GRID2: variants seen among roughly 807,000 people sequenced by gnomAD.
GRID2 encodes glutamate ionotropic receptor delta type subunit 2.
A neutral mutation model predicts 114.8 loss-of-function variants in GRID2; 33 were observed. The ratio of observed to expected loss-of-function variants is 0.29; its 90% CI spans 0.22 to 0.38. The LOEUF is 0.38. Ranked by LOEUF, GRID2 falls within the 10% of genes least tolerant of loss-of-function variation. GRID2 has a pLI of 1.00. For missense variants in GRID2, 1,184 were observed against 1,257.7 expected (o/e 0.94, Z 0.89); for synonymous variants, 505 against 449.9 (o/e 1.12, Z -1.55).
In GRID2 at chr4:92,457,242, A is replaced by G. The variant is rs183454751; in HGVS notation, c.89-132889A>G. On this transcript the variant is annotated intron_variant, in intron 1 of 15. Transcript: ENST00000282020. ...TAAACTCTGTGCCTTTTCCTTACCC[A>G]TATGAAAAATCACTGTCTTCTCATC... 6.6e-5 allele frequency among the ~76,000 whole-genome samples: 10 copies of G among 152,218 alleles called. No homozygotes were observed. The East Asian group carries it at 1.9e-3, about 30-fold the overall frequency.
chr4:93,672,467 A>T (rs758826985), intron 14 of GRID2, among the ~76,000 whole-genome samples: 1 of 152,260 alleles, frequency 6.6e-6, no homozygotes, highest in African/African-American at 2.4e-5. Context: ...AATGTATTTT[A>T]CTTTAAAATT....
intron 2 of GRID2, among the ~76,000 whole-genome samples, chr4:92,794,081 T>A (rs1353831465): frequency 1.3e-5 from 2 of 151,828 alleles, no homozygotes; most frequent in Non-Finnish European, 2.9e-5. Flanking sequence ...AAAAGTAACA[T>A]AAGAGACAAC....
intron 1 of GRID2, among the ~76,000 whole-genome samples, chr4:92,305,828 C>T (rs1326473187): frequency 1.3e-5 from 2 of 152,188 alleles, no homozygotes; most frequent in African/African-American, 4.8e-5. Context: ...GTTAATGCGA[C>T]GATTTCTTTT....
chr4:93,211,816 T>C (rs114593934), intron 5 of GRID2, among the ~76,000 whole-genome samples: 187 of 152,300 alleles, frequency 1.2e-3, no homozygotes, highest in African/African-American at 4.4e-3. Context: ...AATGAGCAAA[T>C]GTTTTCTGTA....
intron 13 of GRID2, among the ~76,000 whole-genome samples, chr4:93,602,684 G>T (rs1200425208): frequency 6.6e-6 from 1 of 152,102 alleles, no homozygotes; most frequent in African/African-American, 2.4e-5. Context: ...CCTCTGCTCA[G>T]GCCTCCCTAA....
chr4:93,139,960 C>T (rs548347339), intron 4 of GRID2, among the ~76,000 whole-genome samples: 2 of 152,184 alleles, frequency 1.3e-5, no homozygotes, highest in South Asian at 4.1e-4. Flanking sequence ...AGTAATTGCA[C>T]ATAGCATATA....
chr4:93,554,570 T>C (rs946618608), intron 13 of GRID2, among the ~76,000 whole-genome samples: 1 of 152,060 alleles, frequency 6.6e-6, no homozygotes, highest in Non-Finnish European at 1.5e-5. Context: ...CCTCAAGCAT[T>C]TATCATTTCT....
At position 93,225,259 on chromosome 4, in the gene GRID2, G is replaced by A. The variant is rs75364869; in HGVS notation, c.1125+484G>A. 8.8e-3 allele frequency among the ~76,000 whole-genome samples: 1,346 copies of A among 152,216 alleles called. 20 individuals are homozygous for A. Among genetic ancestry groups the A allele is most frequent in the African/African-American group, 0.031 (1,281 of 41,540 alleles). On this transcript the variant is annotated intron_variant, in intron 7 of 15. Transcript: ENST00000282020. The stretch of plus-strand genomic sequence containing the variant: ...TTGCAGCATTTGTGAACTATTTGGG[G>A]TAACTGATTGCATTATTCCTCTTCA...
At chr4:92,467,197 T>C (rs1721802557) in intron 1 of GRID2, among the ~76,000 whole-genome samples, 2 of 151,922 alleles carry the variant, frequency 1.3e-5, no homozygotes, top group African/African-American at 4.8e-5. Flanking sequence ...AAAATACCTA[T>C]GAAGTATGAA....
chr4:92,981,822 TA>T (rs1205210739), intron 2 of GRID2, among the ~76,000 whole-genome samples: 2 of 151,882 alleles, frequency 1.3e-5, no homozygotes, highest in South Asian at 2.1e-4. Context: ...AATAACTTTT[TA>T]AAAATTATTT....
intron 13 of GRID2, among the ~76,000 whole-genome samples, chr4:93,544,126 A>T (rs1732952108): frequency 6.6e-6 from 1 of 152,300 alleles, no homozygotes; most frequent in Middle Eastern, 3.4e-3. Flanking sequence ...TTCTGAGACC[A>T]GCTCTCCCAG....
chr4:92,486,603 TATA>T (rs1383672501), intron 1 of GRID2, among the ~76,000 whole-genome samples: 1 of 134,060 alleles, frequency 7.5e-6, no homozygotes, highest in African/African-American at 2.8e-5. Flanking sequence ...ACACAGATAA[TATA>T]GTAGGAATAA....
At chr4:93,339,767 A>C (rs1759456035) in intron 8 of GRID2, among the ~76,000 whole-genome samples, 1 of 152,172 alleles carries the variant, frequency 6.6e-6, no homozygotes, top group South Asian at 2.1e-4. Context: ...ATTGACTCAC[A>C]GTTCAGCATG....
chr4:92,559,458 A>G (rs967314478), intron 1 of GRID2, among the ~76,000 whole-genome samples: 2 of 152,138 alleles, frequency 1.3e-5, no homozygotes, highest in African/African-American at 2.4e-5. Flanking sequence ...CTCAATGAGT[A>G]CTTCCTTTGA....
chr4:92,806,006 T>C (rs1459460294), intron 2 of GRID2, among the ~76,000 whole-genome samples: 1 of 151,904 alleles, frequency 6.6e-6, no homozygotes, highest in Non-Finnish European at 1.5e-5. Context: ...CTCTCATCAT[T>C]ATGTTCAAAT....
At chr4:93,178,790 C>A (rs1230202844) in intron 4 of GRID2, among the ~76,000 whole-genome samples, 4 of 151,522 alleles carry the variant, frequency 2.6e-5, no homozygotes, top group Non-Finnish European at 5.9e-5. Context: ...TTTAAAAAAT[C>A]TTTATGTTCT....
chr4:93,426,321 A>G (rs1409497573), intron 10 of GRID2, among the ~76,000 whole-genome samples: 1 of 152,180 alleles, frequency 6.6e-6, no homozygotes, highest in Non-Finnish European at 1.5e-5. Context: ...TCACAAATTC[A>G]GTGTTCCACC....
chr4:92,761,972 A>G (rs1052429584), intron 2 of GRID2, among the ~76,000 whole-genome samples: 1 of 152,138 alleles, frequency 6.6e-6, no homozygotes, highest in Non-Finnish European at 1.5e-5. Context: ...CTCTGTCTCC[A>G]GGCTGGAGTG....
intron 4 of GRID2, among the ~76,000 whole-genome samples, chr4:93,195,845 A>T (rs1335902975): frequency 6.6e-6 from 1 of 152,196 alleles, no homozygotes; most frequent in Non-Finnish European, 1.5e-5. Flanking sequence ...ACGCTGACAG[A>T]TAAGCATACA....
Sources: gnomAD v4.1 joint callset for allele counts (sites outside exome capture counted in the v4.1 genomes callset) on GRCh38, gnomAD v4.1.1 for gene constraint, MANE v1.5 for transcripts, NCBI Gene and HGNC (gene_info 2026-07-23, HGNC 2026-07-21) for gene names.